Variants in FYB1 observed in about 807,000 individuals in gnomAD.
The protein encoded by FYB1 is FYN-binding protein 1.
FYB1 carries 41 observed loss-of-function variants against 94.1 expected under a neutral mutation model. The observed-to-expected ratio is 0.44, with a 90% CI of 0.34 to 0.57. The LOEUF (loss-of-function observed/expected upper bound fraction) is 0.57. Ranked by LOEUF, FYB1 falls within the 20% of genes least tolerant of loss-of-function variation. The pLI is 0.02. For missense variants in FYB1, 1,050 were observed against 976.8 expected (o/e 1.07, Z -1.00); for synonymous variants, 367 against 353.2 (o/e 1.04, Z -0.44).
chr5:39,231,390 G>A (rs1397969354), intron 1 of FYB1, among the ~76,000 whole-genome samples: 4 of 152,162 alleles, frequency 2.6e-5, no homozygotes, highest in Non-Finnish European at 4.4e-5. Context: ...TACCTTTTGG[G>A]TTACAAAGCT....
intron 3 of FYB1, among the ~76,000 whole-genome samples, chr5:39,148,731 C>G (rs1253351870): frequency 6.6e-6 from 1 of 152,004 alleles, no homozygotes; most frequent in East Asian, 1.9e-4. Flanking sequence ...CACACATAAA[C>G]AGAAACCAAA....
chr5:39,176,008 C>T (rs529814416), intron 2 of FYB1, among the ~76,000 whole-genome samples: 28 of 152,026 alleles, frequency 1.8e-4, no homozygotes, highest in African/African-American at 6.3e-4. Context: ...CTCCAGGGGC[C>T]GGTACAGAGC....
At chr5:39,208,583 A>G (rs1749065095) in intron 1 of FYB1, among the ~76,000 whole-genome samples, 4 of 152,188 alleles carry the variant, frequency 2.6e-5, no homozygotes, top group South Asian at 2.1e-4. Flanking sequence ...TACCCATGAT[A>G]GGACCCCAGT....
intron 8 of FYB1, 31 bp from the exon 9 acceptor site, chr5:39,134,380 C>A (rs1251771487): frequency 2.0e-6 from 3 of 1,527,298 alleles, no homozygotes; most frequent in South Asian, 1.2e-5. Flanking sequence ...TATGTTCAGG[C>A]AACTGTAGTT....
intron 2 of FYB1, among the ~76,000 whole-genome samples, chr5:39,167,071 G>A (rs1266515657): frequency 6.6e-6 from 1 of 152,102 alleles, no homozygotes; most frequent in African/African-American, 2.4e-5. Flanking sequence ...GGTAATTGCG[G>A]TTTTTGCCAT....
At chr5:39,153,648 C>CA in intron 2 of FYB1, 44 bp from the exon 3 acceptor site, 1 of 1,537,102 alleles carries the variant, frequency 6.5e-7, no homozygotes, top group East Asian at 2.3e-5. Flanking sequence ...GACAAATCTT[C>CA]AAAAAGAAGA....
intron 2 of FYB1, among the ~76,000 whole-genome samples, chr5:39,159,522 G>A (rs1744059341): frequency 6.6e-6 from 1 of 152,142 alleles, no homozygotes; most frequent in Non-Finnish European, 1.5e-5. Flanking sequence ...TTACCATAAA[G>A]GTTGTTTGTA....
chr5:39,244,022 CA>C (rs1315216161), intron 1 of FYB1, among the ~76,000 whole-genome samples: 1 of 152,074 alleles, frequency 6.6e-6, no homozygotes, highest in Non-Finnish European at 1.5e-5. Flanking sequence ...AGTTGCTTAT[CA>C]GCTTAAGGAG....
intron 12 of FYB1, 120 bp downstream of exon 12, chr5:39,125,878 T>G: frequency 1.0e-6 from 1 of 980,940 alleles, no homozygotes; most frequent in Non-Finnish European, 1.5e-6. Flanking sequence ...AACGGAAAAT[T>G]GCATTAAGAT....
intron 2 of FYB1, among the ~76,000 whole-genome samples, chr5:39,197,350 C>G (rs777802510): frequency 1.3e-5 from 2 of 151,996 alleles, no homozygotes; most frequent in Admixed American, 6.6e-5. Context: ...TCTAATTATA[C>G]CATGCAGCAA....
At chr5:39,222,231 C>G (rs938650731), upstream of FYB1, among the ~76,000 whole-genome samples, 1 of 152,104 alleles carries the variant, frequency 6.6e-6, no homozygotes, top group African/African-American at 2.4e-5. Flanking sequence ...GTCTTGTACT[C>G]TCTCTTAGTT....
intron 13 of FYB1, among the ~76,000 whole-genome samples, chr5:39,124,015 C>T (rs1223116291): frequency 6.6e-6 from 1 of 152,104 alleles, no homozygotes; most frequent in Admixed American, 6.6e-5. Context: ...TTATCCCTAA[C>T]CCAATAGTGG....
intron 1 of FYB1, among the ~76,000 whole-genome samples, chr5:39,204,689 G>A (rs1184698317): frequency 6.6e-6 from 1 of 152,102 alleles, no homozygotes; most frequent in Non-Finnish European, 1.5e-5. Flanking sequence ...TGGAGAATGA[G>A]GGCAGGCACT....
chr5:39,134,409 G>T (rs1704219754), intron 8 of FYB1, 60 bp from the exon 9 acceptor site: 1 of 1,341,004 alleles, frequency 7.5e-7, no homozygotes, highest in Admixed American at 2.2e-5. Flanking sequence ...TTAAAGTTGT[G>T]AATAAAATAT....
At chr5:39,148,327 G>A (rs1246759131) in intron 3 of FYB1, among the ~76,000 whole-genome samples, 1 of 134,806 alleles carries the variant, frequency 7.4e-6, no homozygotes, top group African/African-American at 2.7e-5. Context: ...ACCATGCCCA[G>A]CTGGCCTTTT....
chr5:39,247,118 C>T (rs1476291020), intron 1 of FYB1, among the ~76,000 whole-genome samples: 1 of 72,324 alleles, frequency 1.4e-5, no homozygotes, highest in Non-Finnish European at 2.9e-5. Context: ...ATATATATGA[C>T]TATATACCAT....
At chr5:39,263,272 C>T (rs1400340639) in intron 1 of FYB1, among the ~76,000 whole-genome samples, 1 of 152,148 alleles carries the variant, frequency 6.6e-6, no homozygotes, top group African/African-American at 2.4e-5. Context: ...AGAAGTGTCT[C>T]ACATCTCCTC....
rs1467793211 is a variant in FYB1, at chr5:39,202,306, C to T, written c.655G>A (p.Val219Met). Residue 219 changes from valine (V) to methionine (M), a missense_variant, in exon 2 of 19, where the codon GTG becomes ATG. Val to Met is a conservative substitution (Grantham distance 21, BLOSUM62 1). Transcript: ENST00000512982. ...GCTGGGGACCCTTTTGATGAAGACACATTCTTCATGGGGCTTTCGTCTTCA... is the reference window on the plus strand; with the variant it reads ...GCTGGGGACCCTTTTGATGAAGACATATTCTTCATGGGGCTTTCGTCTTCA... ...SHEDESPMKNVSSSKGSPAPL... is the reference protein window; with the variant it reads ...SHEDESPMKNMSSSKGSPAPL... The T allele has an allele frequency of 6.2e-7, 1 of 1,613,830 alleles. No individual in the cohort carries two copies. The highest frequency in any genetic ancestry group is 8.5e-7 in the Non-Finnish European group (1 of 1,179,846).
intron 1 of FYB1, among the ~76,000 whole-genome samples, chr5:39,265,496 AAG>A (rs1189172362): frequency 2.7e-5 from 4 of 150,470 alleles, no homozygotes; most frequent in African/African-American, 9.8e-5. Flanking sequence ...AAAAAAAAAA[AAG>A]AAAAAAAAAT....
Sources: allele counts gnomAD v4.1 joint callset (sites outside exome capture counted in the v4.1 genomes callset), GRCh38; gene constraint gnomAD v4.1.1; transcripts MANE v1.5; gene names NCBI Gene and HGNC (gene_info 2026-07-23, HGNC 2026-07-21).